Variants in GPC6 observed in about 807,000 individuals in gnomAD.
GPC6 encodes the protein glypican 6, also known as glypican-6.
Under a neutral mutation model 55.2 loss-of-function variants are expected in GPC6, and 14 were observed. The observed-to-expected ratio is 0.25, with a 90% CI of 0.17 to 0.40. GPC6 has a LOEUF of 0.40. Among genes scored for constraint, GPC6 ranks in the 10% least tolerant of loss-of-function variants. The pLI is 1.00. For missense variants in GPC6, 641 were observed against 708.5 expected (o/e 0.90, Z 1.08); for synonymous variants, 278 against 259.6 (o/e 1.07, Z -0.68).
intron 1 of GPC6, among the ~76,000 whole-genome samples, chr13:93,461,069 A>G (rs1354614221): frequency 6.6e-6 from 1 of 152,146 alleles, no homozygotes; most frequent in African/African-American, 2.4e-5. Flanking sequence ...TGGTGGATTC[A>G]AAGCCATATG....
intron 3 of GPC6, among the ~76,000 whole-genome samples, chr13:93,939,679 A>G (rs1566613323): frequency 6.6e-6 from 1 of 152,136 alleles, no homozygotes; most frequent in Non-Finnish European, 1.5e-5. Context: ...TGAGCTCCTC[A>G]GCTCAAAGAA....
At chr13:93,880,843 AAAAT>A (rs1247010080) in intron 3 of GPC6, among the ~76,000 whole-genome samples, 3 of 150,850 alleles carry the variant, frequency 2.0e-5, no homozygotes, top group Non-Finnish European at 4.4e-5. Context: ...CCCAATTTAA[AAAAT>A]AAATAAATAA....
chr13:94,252,544 T>A (rs1459675890), intron 4 of GPC6, among the ~76,000 whole-genome samples: 1 of 152,092 alleles, frequency 6.6e-6, no homozygotes. Context: ...AATGCTGAAA[T>A]TGATGGCGAA....
chr13:94,295,348 T>TA (rs1272908279), intron 5 of GPC6, among the ~76,000 whole-genome samples: 1 of 152,200 alleles, frequency 6.6e-6, no homozygotes, highest in Admixed American at 6.5e-5. Context: ...TTGCTATTAT[T>TA]AAAAATATCT....
intron 3 of GPC6, among the ~76,000 whole-genome samples, chr13:93,985,274 T>TA (rs1880973476): frequency 6.6e-6 from 1 of 151,906 alleles, no homozygotes; most frequent in South Asian, 2.1e-4. Flanking sequence ...CCGTCTCTAC[T>TA]AAAAATGCAA....
intron 2 of GPC6, among the ~76,000 whole-genome samples, chr13:93,779,982 G>T (rs1235572114): frequency 6.6e-6 from 1 of 152,022 alleles, no homozygotes; most frequent in East Asian, 1.9e-4. Context: ...TTTCCTTATG[G>T]ATCCAAGGAA....
At chr13:94,067,571 G>A (rs955098779) in intron 4 of GPC6, among the ~76,000 whole-genome samples, 31 of 147,582 alleles carry the variant, frequency 2.1e-4, no homozygotes, top group Admixed American at 4.2e-4. Flanking sequence ...GAGATAGATA[G>A]ATAGATTATA....
intron 1 of GPC6, among the ~76,000 whole-genome samples, chr13:93,289,920 T>A (rs561720663): frequency 6.6e-6 from 1 of 152,318 alleles, no homozygotes; most frequent in African/African-American, 2.4e-5. Flanking sequence ...TTTTGAAAAA[T>A]ACTATTTTAT....
intron 4 of GPC6, among the ~76,000 whole-genome samples, chr13:94,057,574 C>G (rs1884173894): frequency 1.3e-5 from 2 of 152,092 alleles, no homozygotes; most frequent in Non-Finnish European, 2.9e-5. Context: ...CTTTATTGTT[C>G]TCCATTATTG....
Position 94,173,855 on chromosome 13 carries a change from T to C in GPC6, c.878-112494T>C, listed in dbSNP as rs756053647. ...GTTGCTCTCTTCTATCTGTAACAAA[T>C]GTTTAGTAGTTTTCCAATTACTGCA... is the stretch of plus-strand genomic sequence containing the variant. On this transcript the variant is annotated intron_variant, in intron 4 of 8. Coordinates refer to ENST00000377047, the MANE Select transcript of GPC6 (RefSeq NM_005708.5). Among the ~76,000 whole-genome samples the C allele has an allele frequency of 7.2e-5, 11 of 152,162 alleles. 1 individual carries two copies. The highest frequency in any genetic ancestry group is 2.2e-4 in the African/African-American group (9 of 41,434).
chr13:93,324,583 C>CATACAT (rs1210731636), intron 1 of GPC6, among the ~76,000 whole-genome samples: 1 of 86,490 alleles, frequency 1.2e-5, no homozygotes, highest in Non-Finnish European at 2.0e-5. Flanking sequence ...CACACACATA[C>CATACAT]ATACATATAT....
intron 4 of GPC6, among the ~76,000 whole-genome samples, chr13:94,107,660 C>G (rs1052635081): frequency 5.4e-5 from 8 of 148,826 alleles, no homozygotes; most frequent in Non-Finnish European, 1.0e-4. Context: ...TCATGTACAA[C>G]TATAAAATAT....
chr13:93,822,735 T>C (rs573938199), intron 2 of GPC6, among the ~76,000 whole-genome samples: 1 of 152,080 alleles, frequency 6.6e-6, no homozygotes, highest in African/African-American at 2.4e-5. Flanking sequence ...CTGAGAATGA[T>C]GGTTTCCAGC....
intron 2 of GPC6, among the ~76,000 whole-genome samples, chr13:93,772,680 C>A (rs1415987246): frequency 6.6e-6 from 1 of 152,014 alleles, no homozygotes; most frequent in Non-Finnish European, 1.5e-5. Context: ...GGATGCTGTC[C>A]TGATAGAAGC....
At chr13:93,256,618 G>A (rs1222015166) in intron 1 of GPC6, among the ~76,000 whole-genome samples, 1 of 152,036 alleles carries the variant, frequency 6.6e-6, no homozygotes, top group Non-Finnish European at 1.5e-5. Context: ...AATGACCTAG[G>A]CTTTCATTTG....
chr13:94,337,844 A>G (rs2139151646), intron 6 of GPC6, among the ~76,000 whole-genome samples: 1 of 152,340 alleles, frequency 6.6e-6, no homozygotes, highest in South Asian at 2.1e-4. Flanking sequence ...AACTGGGCCT[A>G]GTACACAGTG....
At chr13:93,617,779 ATACTC>A (rs941093612) in intron 2 of GPC6, among the ~76,000 whole-genome samples, 30 of 152,118 alleles carry the variant, frequency 2.0e-4, no homozygotes, top group Non-Finnish European at 2.2e-4. Context: ...TCATAAGAGA[ATACTC>A]TATAACCTAT....
chr13:93,496,771 A>C (rs889678100), intron 1 of GPC6, among the ~76,000 whole-genome samples: 7 of 152,124 alleles, frequency 4.6e-5, no homozygotes, highest in Non-Finnish European at 1.0e-4. Context: ...GTAATTTAGA[A>C]CCTATTCTAT....
At chr13:93,257,059 A>G (rs1876977729) in intron 1 of GPC6, among the ~76,000 whole-genome samples, 1 of 152,052 alleles carries the variant, frequency 6.6e-6, no homozygotes, top group Admixed American at 6.6e-5. Context: ...AGTCCAGGTG[A>G]TCTGGGAGGC....
Sources: gnomAD v4.1 joint callset for allele counts (sites outside exome capture counted in the v4.1 genomes callset) on GRCh38, gnomAD v4.1.1 for gene constraint, MANE v1.5 for transcripts, NCBI Gene and HGNC (gene_info 2026-07-23, HGNC 2026-07-21) for gene names.